GPAM: variants seen among roughly 807,000 people sequenced by gnomAD.
GPAM encodes glycerol-3-phosphate acyltransferase 1, mitochondrial.
Under a neutral mutation model 105.0 loss-of-function variants are expected in GPAM, and 56 were observed. The observed-to-expected ratio is 0.53, with a 90% confidence interval of 0.43 to 0.67. The LOEUF (loss-of-function observed/expected upper bound fraction) is 0.67, where lower values mean the gene tolerates loss of function less well. Among genes scored for constraint, GPAM ranks in the 30% least tolerant of loss-of-function variants. The pLI is 0.00. For missense variants in GPAM, 855 were observed against 989.8 expected (o/e 0.86, Z 1.83); for synonymous variants, 368 against 354.4 (o/e 1.04, Z -0.43).
In GPAM at chr10:112,173,078, T is replaced by G; in HGVS notation, c.561-12A>C. ...CCCACCCAGTCAGTCTGAAACAAAG[T>G]ACAAACAAAAAAAACAACATAAATG... On this transcript the variant is annotated splice_polypyrimidine_tract_variant and intron_variant, in intron 7 of 21. Coordinates refer to ENST00000348367, the MANE Select transcript of GPAM (RefSeq NM_001244949.2). The G allele has an allele frequency of 6.7e-7, 1 of 1,491,838 alleles. No individual in the cohort carries two copies. The highest frequency in any genetic ancestry group is 9.4e-7 in the Non-Finnish European group (1 of 1,068,724). 92.4% of individuals were successfully genotyped at this position (1,491,838 alleles called of 1,614,324 possible).
chr10:112,218,101 T>G (rs997261553), upstream of GPAM, among the ~76,000 whole-genome samples: 6 of 152,206 alleles, frequency 3.9e-5, no homozygotes, highest in East Asian at 1.9e-4. Context: ...AAGATAGAAA[T>G]CTGATTCCCA....
In GPAM at chr10:112,151,441, A is replaced by G; in HGVS notation, c.*2109T>C. On this transcript the variant is annotated 3_prime_UTR_variant, in exon 22 of 22. Transcript: ENST00000348367. ...TTGGTTGAGATTTTTCTCCCTTAAA[A>G]AAGATTTTCAAAGCACCAGTTAATT... is the stretch of plus-strand genomic sequence containing the variant. The G allele has an allele frequency of 1.0e-6, 1 of 985,788 alleles. No homozygotes were observed. Among genetic ancestry groups the G allele is most frequent in the Non-Finnish European group, 1.2e-6 (1 of 829,878 alleles). The allele number at this position is 985,788 out of a possible 1,614,324, so 61.1% of individuals were successfully genotyped here.
intron 11 of GPAM, among the ~76,000 whole-genome samples, chr10:112,167,152 T>A (rs1214489348): frequency 2.0e-5 from 3 of 152,154 alleles, no homozygotes; most frequent in Non-Finnish European, 4.4e-5. Flanking sequence ...TCACTTAATT[T>A]GTAAGCCTAT....
chr10:112,209,634 A>G (rs891238507), intron 1 of GPAM, among the ~76,000 whole-genome samples: 6 of 152,082 alleles, frequency 3.9e-5, no homozygotes, highest in South Asian at 2.1e-4. Flanking sequence ...TCCCATAGCC[A>G]AGTCCTAGCA....
intron 15 of GPAM, 78 bp downstream of exon 15, chr10:112,161,588 GC>G (rs1247192462): frequency 3.5e-6 from 4 of 1,157,114 alleles, no homozygotes; most frequent in Non-Finnish European, 5.2e-6. Flanking sequence ...GGCCAAATCT[GC>G]CCCTGAGTAT....
intron 1 of GPAM, among the ~76,000 whole-genome samples, chr10:112,193,711 T>G (rs887261455): frequency 5.3e-5 from 8 of 152,306 alleles, no homozygotes; most frequent in Admixed American, 1.3e-4. Flanking sequence ...AACATGGTAG[T>G]TAGAGCTGCG....
the GPAM span, among the ~76,000 whole-genome samples, chr10:112,223,842 G>T: frequency 6.6e-6 from 1 of 152,202 alleles, no homozygotes; most frequent in Non-Finnish European, 1.5e-5. Context: ...ATAAAAACTT[G>T]TGGTGGGCTG....
intron 19 of GPAM, chr10:112,156,429 C>T (rs974726009): frequency 6.6e-6 from 2 of 303,608 alleles, no homozygotes; most frequent in Admixed American, 4.6e-5. Flanking sequence ...CTCAAGTCTG[C>T]AGAAAGACCA....
At chr10:112,163,898 G>C (rs1465021322) in intron 13 of GPAM, 82 bp from the exon 14 acceptor site, 2 of 732,446 alleles carry the variant, frequency 2.7e-6, no homozygotes, top group Non-Finnish European at 5.1e-6. Context: ...AAATGAATTA[G>C]ATACTTTAAA....
chr10:112,154,727 C>T, intron 20 of GPAM, 40 bp from the exon 21 acceptor site: 1 of 1,400,716 alleles, frequency 7.1e-7, no homozygotes, highest in Non-Finnish European at 1.0e-6. Flanking sequence ...TGGTTACGCT[C>T]AACAAATCAT....
chr10:112,164,676 C>T, intron 12 of GPAM, 66 bp from the exon 13 acceptor site: 5 of 878,410 alleles, frequency 5.7e-6, no homozygotes, highest in South Asian at 2.7e-5. Context: ...AATGTAATTT[C>T]ATCTTCCAAA....
intron 12 of GPAM, among the ~76,000 whole-genome samples, chr10:112,165,692 CA>C (rs1376441117): frequency 1.3e-5 from 2 of 150,056 alleles, no homozygotes; most frequent in Admixed American, 6.6e-5. Context: ...AACTCCGTCT[CA>C]AAAAAAAAGT....
rs982928887 is a variant in GPAM at position 112,157,245 on chromosome 10, G to A, written c.2121+4C>T. ...ATATCCACCAGAATTCTTCACCCAAGTACCTTCAGGTAGCAATCTCGCTGT... is the reference window on the plus strand; with the variant it reads ...ATATCCACCAGAATTCTTCACCCAAATACCTTCAGGTAGCAATCTCGCTGT... On this transcript the variant is annotated splice_donor_region_variant and intron_variant, in intron 19 of 21. Transcript: ENST00000348367. 1 of 1,612,110 alleles carries A rather than the reference G, an allele frequency of 6.2e-7. No individual in the cohort carries two copies. Among genetic ancestry groups the A allele is most frequent in the African/African-American group, 1.3e-5 (1 of 74,832 alleles).
At chr10:112,162,167 C>A (rs2792734) in intron 14 of GPAM, among the ~76,000 whole-genome samples, 1,896 of 152,244 alleles carry the variant, frequency 0.012, 41 homozygotes, top group African/African-American at 0.042. Flanking sequence ...CATATTAAAA[C>A]GAAGGTGTAG....
rs1314953732 is a variant in GPAM, at chr10:112,173,925, G to A, written c.414-80C>T. On this transcript the variant is annotated intron_variant, in intron 6 of 21. Coordinates refer to ENST00000348367, the MANE Select transcript of GPAM (RefSeq NM_001244949.2). ...ATTCAGTATTTTCTAAACTGCAGCT[G>A]TAAATCACAAAACAAAATGTATGTT... is the stretch of plus-strand genomic sequence containing the variant. 3 of 1,155,266 alleles carry A rather than the reference G, an allele frequency of 2.6e-6. No individual in the cohort carries two copies. The African/African-American group carries it at 4.5e-5, about 17-fold the overall frequency. 71.6% of individuals were successfully genotyped at this position (1,155,266 alleles called of 1,614,324 possible).
intron 1 of GPAM, among the ~76,000 whole-genome samples, chr10:112,194,049 T>C (rs1471235173): frequency 1.3e-5 from 2 of 152,228 alleles, no homozygotes; most frequent in African/African-American, 2.4e-5. Context: ...AGAGTTTGTT[T>C]CTTGCCTATG....
At chr10:112,173,951 C>A (rs981931844) in intron 6 of GPAM, 106 bp from the exon 7 acceptor site, 8 of 917,428 alleles carry the variant, frequency 8.7e-6, no homozygotes, top group Non-Finnish European at 1.4e-5. Flanking sequence ...AATGTATGTT[C>A]TCTTTAAAAT....
chr10:112,154,591 T>C, intron 21 of GPAM, 38 bp downstream of exon 21: 1 of 1,403,408 alleles, frequency 7.1e-7, no homozygotes, highest in South Asian at 1.2e-5. Context: ...AGAACAGAAG[T>C]TGAGATAGCT....
chr10:112,193,279 G>A (rs560148827), intron 1 of GPAM, among the ~76,000 whole-genome samples: 9 of 152,274 alleles, frequency 5.9e-5, no homozygotes, highest in African/African-American at 1.7e-4. Context: ...GGCTACAACT[G>A]GGACCAAGGA....
Sources: gnomAD v4.1 joint callset for allele counts (sites outside exome capture counted in the v4.1 genomes callset) on GRCh38, gnomAD v4.1.1 for gene constraint, MANE v1.5 for transcripts, NCBI Gene and HGNC (gene_info 2026-07-23, HGNC 2026-07-21) for gene names.